Variants in NEDD4L observed in about 807,000 individuals in gnomAD.
The protein encoded by NEDD4L is E3 ubiquitin-protein ligase NEDD4-like.
NEDD4L carries 54 observed loss-of-function variants against 148.9 expected under a neutral mutation model. The observed-to-expected ratio is 0.36, with a 90% CI of 0.29 to 0.45. NEDD4L has a LOEUF of 0.45. Among genes scored for constraint, NEDD4L ranks in the 20% least tolerant of loss-of-function variants. The pLI is 1.00. For missense variants in NEDD4L, 856 were observed against 1,233.8 expected, an observed-to-expected ratio of 0.69 and a Z score of 4.59; for synonymous variants, 433 against 440.7, an observed-to-expected ratio of 0.98 and a Z score of 0.22.
chr18:58,148,541 C>T (rs1384542228), intron 1 of NEDD4L, among the ~76,000 whole-genome samples: 1 of 152,212 alleles, frequency 6.6e-6, no homozygotes, highest in African/African-American at 2.4e-5. Context: ...GGCCTCTGTT[C>T]TTGGCTTGCA....
chr18:58,162,383 TC>T (rs1266955865), intron 1 of NEDD4L, among the ~76,000 whole-genome samples: 2 of 152,010 alleles, frequency 1.3e-5, no homozygotes, highest in Non-Finnish European at 2.9e-5. Context: ...TGTCAGCTCT[TC>T]CTGCAACTCC....
intron 4 of NEDD4L, among the ~76,000 whole-genome samples, chr18:58,251,068 C>T (rs1372952160): frequency 6.6e-6 from 1 of 152,304 alleles, no homozygotes; most frequent in East Asian, 1.9e-4. Context: ...GTCCTGGTTG[C>T]CCTACACATT....
intron 9 of NEDD4L, 108 bp from the exon 10 acceptor site, chr18:58,328,887 C>T (rs1045005864): frequency 2.0e-5 from 24 of 1,230,532 alleles, no homozygotes; most frequent in East Asian, 1.4e-4. Flanking sequence ...CAGTGTTTGA[C>T]GCTGACACTT....
At chr18:58,156,446 G>A (rs565792716) in intron 1 of NEDD4L, among the ~76,000 whole-genome samples, 154 of 152,318 alleles carry the variant, frequency 1.0e-3, no homozygotes, top group Admixed American at 8.9e-3. Flanking sequence ...CTTTGTCTTA[G>A]AGAAGTTACA....
At chr18:58,102,223 A>G (rs911878087) in intron 1 of NEDD4L, among the ~76,000 whole-genome samples, 1 of 152,016 alleles carries the variant, frequency 6.6e-6, no homozygotes, top group African/African-American at 2.4e-5. Flanking sequence ...AGAGGCAGTA[A>G]TGGTACAGAG....
Position 58,081,769 on chromosome 18 carries a change from A to G in NEDD4L, c.48+37061A>G, listed in dbSNP as rs117846222. Among the ~76,000 whole-genome samples, 195 of 152,146 alleles carry G rather than the reference A, an allele frequency of 1.3e-3. 3 individuals are homozygous for G. In the East Asian group the frequency reaches 0.03, roughly 24 times the overall value. ...CTTCGGAGCACTTACCTTAATTATT[A>G]TAGAAAAAAATTAAGAGTTGGCTGA... On this transcript the variant is annotated intron_variant, in intron 1 of 30. Coordinates refer to ENST00000400345, the MANE Select transcript of NEDD4L (RefSeq NM_001144967.3).
chr18:58,282,949 A>C (rs11661447), intron 5 of NEDD4L, among the ~76,000 whole-genome samples: 30,410 of 152,154 alleles, frequency 0.2, 3,173 homozygotes, highest in East Asian at 0.28. Context: ...GAGCAGAATT[A>C]TCTGTCGTCA....
chr18:58,356,091 T>C lies in NEDD4L; in HGVS notation c.1709-1103T>C, dbSNP rs1601640751. ...CCTCAGCCTCCCAAGTAGCTAGGAC[T>C]ACAGGCGTACACCACCACACCTGGC... On this transcript the variant is annotated intron_variant, in intron 18 of 30. Coordinates refer to ENST00000400345, the MANE Select transcript of NEDD4L (RefSeq NM_001144967.3). 2.0e-5 allele frequency among the ~76,000 whole-genome samples: 3 copies of C among 151,978 alleles called. No homozygotes were observed. In the East Asian group the frequency reaches 5.8e-4, roughly 29 times the overall value.
intron 2 of NEDD4L, among the ~76,000 whole-genome samples, chr18:58,213,443 A>G (rs752406182): frequency 2.0e-5 from 3 of 152,246 alleles, no homozygotes; most frequent in Non-Finnish European, 4.4e-5. Context: ...AACTTGATGA[A>G]TGAGAAGCAA....
intron 5 of NEDD4L, among the ~76,000 whole-genome samples, chr18:58,275,962 TC>T (rs1163417724): frequency 6.6e-6 from 1 of 152,182 alleles, no homozygotes; most frequent in Non-Finnish European, 1.5e-5. Context: ...TTGTCAGTCA[TC>T]TTTTTGGTGC....
At position 58,271,071 on chromosome 18, in the gene NEDD4L, C is replaced by G. The variant is rs964303737; in HGVS notation, c.297+19017C>G. On this transcript the variant is annotated intron_variant, in intron 5 of 30. Coordinates refer to ENST00000400345, the MANE Select transcript of NEDD4L (RefSeq NM_001144967.3). ...GCCTAGTGCTCGGCACATATTAATGCTTAATAAATATTAGCTCTTATTATT... is the reference window on the plus strand; with the variant it reads ...GCCTAGTGCTCGGCACATATTAATGGTTAATAAATATTAGCTCTTATTATT... Among the ~76,000 whole-genome samples the G allele has an allele frequency of 3.3e-5, 5 of 151,474 alleles. No homozygotes were observed. The East Asian group carries it at 7.8e-4, about 24-fold the overall frequency.
At chr18:58,294,531 T>C (rs2055261315) in intron 5 of NEDD4L, among the ~76,000 whole-genome samples, 1 of 152,160 alleles carries the variant, frequency 6.6e-6, no homozygotes, top group Non-Finnish European at 1.5e-5. Context: ...CTACAAATAG[T>C]GATTTTTCTT....
chr18:58,323,754 C>T (rs1568696164), intron 8 of NEDD4L, among the ~76,000 whole-genome samples: 2 of 152,088 alleles, frequency 1.3e-5, no homozygotes, highest in African/African-American at 2.4e-5. Flanking sequence ...CCACAGGTGA[C>T]AGCCTGCAGT....
chr18:58,255,343 G>T, intron 5 of NEDD4L: 1 of 313,958 alleles, frequency 3.2e-6, no homozygotes, highest in Non-Finnish European at 5.5e-6. Context: ...GCGAGTAGGG[G>T]AAAACTCCTC....
intron 1 of NEDD4L, among the ~76,000 whole-genome samples, chr18:58,138,369 C>T (rs2033101345): frequency 1.4e-5 from 2 of 148,018 alleles, no homozygotes; most frequent in South Asian, 2.3e-4. Context: ...CCTCTTCCCT[C>T]CCCTCCTCCT....
At position 58,387,439 on chromosome 18, in the gene NEDD4L, G is replaced by C; in HGVS notation, c.2488G>C (p.Gly830Arg). 1 of 1,537,986 alleles carries C rather than the reference G, an allele frequency of 6.5e-7. No individual in the cohort carries two copies. ...AAGATGTTTTTTTTTTTTCTTTCAG[G>C]GATTCACAGAACTACTTCCTATTGA... ...VQKQMNAFLEGFTELLPIDLI... is the reference protein window; with the variant it reads ...VQKQMNAFLERFTELLPIDLI... The change falls in exon 27 of 31, where the codon GGA becomes CGA. Residue 830 changes from glycine (G) to arginine (R), a missense_variant and splice_region_variant. By Grantham distance (125) the Gly-to-Arg change is moderately radical. This residue lies in a region of NEDD4L where 286 missense variants were observed against 531.8 expected (regional missense o/e 0.54). Coordinates refer to ENST00000400345, the MANE Select transcript of NEDD4L (RefSeq NM_001144967.3).
chr18:58,331,277 A>G (rs1433847386), intron 11 of NEDD4L, among the ~76,000 whole-genome samples: 4 of 152,256 alleles, frequency 2.6e-5, no homozygotes, highest in Non-Finnish European at 5.9e-5. Flanking sequence ...TCACAAAGGT[A>G]GTATTTCACA....
intron 1 of NEDD4L, among the ~76,000 whole-genome samples, chr18:58,133,605 T>C (rs1490641893): frequency 6.6e-6 from 1 of 152,214 alleles, no homozygotes. Flanking sequence ...ATTTTTTTTC[T>C]TAATATAGTA....
chr18:58,139,740 C>T (rs981097742), intron 1 of NEDD4L, among the ~76,000 whole-genome samples: 3 of 152,072 alleles, frequency 2.0e-5, no homozygotes, highest in South Asian at 2.1e-4. Context: ...AGCCTGACTT[C>T]GAATCAGCTG....
Sources: allele counts gnomAD v4.1 joint callset (sites outside exome capture counted in the v4.1 genomes callset), GRCh38; gene constraint gnomAD v4.1.1; regional missense constraint gnomAD v4.1.1; transcripts MANE v1.5; gene names NCBI Gene and HGNC (gene_info 2026-07-23, HGNC 2026-07-21).